Variants in SMYD3 observed in about 807,000 individuals in gnomAD.
SMYD3 encodes the protein histone-lysine N-methyltransferase SMYD3.
In SMYD3, 36 loss-of-function variants were observed where a neutral mutation model predicts 57.7. That is an observed-to-expected ratio of 0.62 (90% CI 0.48 to 0.82). The LOEUF (loss-of-function observed/expected upper bound fraction) is 0.82, where lower values mean the gene tolerates loss of function less well. SMYD3 is among the 40% of genes least tolerant of loss of function. SMYD3 has a pLI of 0.00. For synonymous variants in SMYD3, 211 were observed against 195.0 expected (o/e 1.08, Z -0.68); for missense variants, 515 against 538.8 (o/e 0.96, Z 0.44).
intron 5 of SMYD3, among the ~76,000 whole-genome samples, chr1:246,221,792 C>T (rs529407266): frequency 1.8e-4 from 27 of 152,242 alleles, no homozygotes; most frequent in South Asian, 1.0e-3. Context: ...CTTTGAAGCA[C>T]GGGATCCAGG....
chr1:246,200,578 C>T (rs2062905259), intron 5 of SMYD3, among the ~76,000 whole-genome samples: 1 of 125,206 alleles, frequency 8.0e-6, no homozygotes, highest in Non-Finnish European at 1.5e-5. Flanking sequence ...ACAGCGTAGA[C>T]GCTGAGGTAG....
chr1:246,500,876 A>G (rs10924753), intron 1 of SMYD3, among the ~76,000 whole-genome samples: 97,334 of 152,126 alleles, frequency 0.64, 31,410 homozygotes, highest in East Asian at 0.89. Context: ...CCTTTCCCAA[A>G]CCTCGTTACA....
At chr1:245,904,048 T>C (rs940779137) in intron 8 of SMYD3, among the ~76,000 whole-genome samples, 2 of 152,168 alleles carry the variant, frequency 1.3e-5, no homozygotes, top group African/African-American at 4.8e-5. Flanking sequence ...TTCTACCACA[T>C]CGTCAGGCTG....
At chr1:246,237,854 C>T (rs1480311392) in intron 5 of SMYD3, among the ~76,000 whole-genome samples, 1 of 148,198 alleles carries the variant, frequency 6.7e-6, no homozygotes, top group Non-Finnish European at 1.5e-5. Flanking sequence ...GTTTTACCTG[C>T]TGCATTATTA....
At chr1:246,440,615 AT>A (rs1276020706) in intron 1 of SMYD3, among the ~76,000 whole-genome samples, 7 of 152,192 alleles carry the variant, frequency 4.6e-5, no homozygotes, top group African/African-American at 1.7e-4. Flanking sequence ...ATGAAAAAAA[AT>A]ATTTGGGGGC....
At chr1:246,129,649 TG>T (rs1477392602) in intron 5 of SMYD3, among the ~76,000 whole-genome samples, 2 of 152,190 alleles carry the variant, frequency 1.3e-5, no homozygotes, top group African/African-American at 4.8e-5. Flanking sequence ...ATAAAGAGCT[TG>T]TACACATAAG....
At chr1:245,937,092 G>C (rs1189780046) in intron 5 of SMYD3, among the ~76,000 whole-genome samples, 2 of 151,978 alleles carry the variant, frequency 1.3e-5, no homozygotes, top group Non-Finnish European at 2.9e-5. Context: ...TGTCTTTCTA[G>C]ACTGAGATAC....
rs117180405 is a variant in SMYD3, at chr1:245,981,554, G to C, written c.532-51617C>G. Among the ~76,000 whole-genome samples, 92 of 152,222 alleles carry C rather than the reference G, an allele frequency of 6.0e-4. 1 individual carries two copies. The East Asian group carries it at 0.016, about 26-fold the overall frequency. ...AATTTAAAGGTTCCCTTATACAACT[G>C]AACCCAAAACAGCTGTCAGAAACCA... On this transcript the variant is annotated intron_variant, in intron 5 of 11. Transcript: ENST00000490107.
intron 8 of SMYD3, among the ~76,000 whole-genome samples, chr1:245,877,144 C>G (rs865776613): frequency 6.6e-6 from 1 of 152,164 alleles, no homozygotes; most frequent in African/African-American, 2.4e-5. Context: ...GGCGGCGCTG[C>G]GGAGACGGGG....
rs141329965 is a variant in SMYD3, at chr1:246,165,156, G to A, written c.531+162045C>T. Among the ~76,000 whole-genome samples, 191 of 152,362 alleles carry A rather than the reference G, an allele frequency of 1.3e-3. 2 individuals are homozygous for A. Among genetic ancestry groups the A allele is most frequent in the African/African-American group, 4.4e-3 (181 of 41,588 alleles). On this transcript the variant is annotated intron_variant, in intron 5 of 11. Transcript: ENST00000490107. ...GAGTATCCGGAGGATTGAGCAACAT[G>A]GAGATTGCTGCTCATCGCAACTACA...
chr1:245,812,870 T>C (rs555412625), intron 10 of SMYD3, among the ~76,000 whole-genome samples: 1 of 151,508 alleles, frequency 6.6e-6, no homozygotes, highest in South Asian at 2.1e-4. Flanking sequence ...TTTGGAAAAA[T>C]ACAGACTACT....
chr1:246,480,212 C>T (rs767164916), intron 1 of SMYD3, among the ~76,000 whole-genome samples: 20 of 152,168 alleles, frequency 1.3e-4, no homozygotes, highest in Non-Finnish European at 1.9e-4. Flanking sequence ...GGGTCTCACA[C>T]CATGTTGACC....
intron 5 of SMYD3, among the ~76,000 whole-genome samples, chr1:246,162,101 C>T (rs143185039): frequency 2.0e-5 from 3 of 152,204 alleles, no homozygotes; most frequent in African/African-American, 7.2e-5. Flanking sequence ...GTGAATCTAT[C>T]AGAGAAGGAC....
chr1:245,984,821 T>C (rs2058670750), intron 5 of SMYD3, among the ~76,000 whole-genome samples: 1 of 152,126 alleles, frequency 6.6e-6, no homozygotes, highest in South Asian at 2.1e-4. Flanking sequence ...CTCCCTGACC[T>C]CCCTGGGAAT....
At chr1:246,078,072 A>T (rs946628820) in intron 5 of SMYD3, among the ~76,000 whole-genome samples, 2 of 152,088 alleles carry the variant, frequency 1.3e-5, no homozygotes, top group Non-Finnish European at 2.9e-5. Flanking sequence ...TACACTTTTT[A>T]AAATTTGAAA....
intron 5 of SMYD3, among the ~76,000 whole-genome samples, chr1:246,220,680 C>T (rs1382348516): frequency 6.6e-6 from 1 of 152,172 alleles, no homozygotes; most frequent in Non-Finnish European, 1.5e-5. Flanking sequence ...AGTGAGGCCC[C>T]ATTGTCAAGC....
chr1:245,938,288 C>T (rs73128397), intron 5 of SMYD3, among the ~76,000 whole-genome samples: 6,492 of 152,206 alleles, frequency 0.043, 451 homozygotes, highest in African/African-American at 0.15. Flanking sequence ...GGGACTAGTG[C>T]GTGGCTGTTT....
Position 245,937,325 on chromosome 1 carries a change from C to T in SMYD3, c.532-7388G>A, listed in dbSNP as rs187114605. Reference sequence around the variant, plus strand: ...TGCCAAATGTTAGCAAATGAAGCCCCTTTAGATAACATGCTTTCTAAAATC... The same window carrying T: ...TGCCAAATGTTAGCAAATGAAGCCCTTTTAGATAACATGCTTTCTAAAATC... On this transcript the variant is annotated intron_variant, in intron 5 of 11. Transcript: ENST00000490107. Among the ~76,000 whole-genome samples, 1,151 of 152,338 alleles carry T rather than the reference C, an allele frequency of 7.6e-3. 11 individuals carry two copies. Among genetic ancestry groups the T allele is most frequent in the Middle Eastern group, 0.031 (9 of 294 alleles).
chr1:246,203,753 A>G lies in SMYD3; in HGVS notation c.531+123448T>C, dbSNP rs1056603463. Among the ~76,000 whole-genome samples the G allele has an allele frequency of 6.6e-6, 1 of 152,210 alleles. No homozygotes were observed. Among genetic ancestry groups the G allele is most frequent in the Non-Finnish European group, 1.5e-5 (1 of 68,036 alleles). On this transcript the variant is annotated intron_variant, in intron 5 of 11. Transcript: ENST00000490107. This position sits in a 1 kb window ranked among gnomAD's most constrained non-coding sequence, Gnocchi z 4.6. ...AATTTGCGGGGACACAGTTCAGCCCAGAACACACTCTCCTTCTCCTGGGTT... is the reference window on the plus strand; with the variant it reads ...AATTTGCGGGGACACAGTTCAGCCCGGAACACACTCTCCTTCTCCTGGGTT...
Sources: gnomAD v4.1 joint callset for allele counts (sites outside exome capture counted in the v4.1 genomes callset) on GRCh38, gnomAD v4.1.1 for gene constraint, Gnocchi (gnomAD v3.1) non-coding constraint, MANE v1.5 for transcripts, NCBI Gene and HGNC (gene_info 2026-07-23, HGNC 2026-07-21) for gene names.